CREB5: variants seen among roughly 807,000 people sequenced by gnomAD.
The protein encoded by CREB5 is cyclic AMP-responsive element-binding protein 5.
A neutral mutation model predicts 57.1 loss-of-function variants in CREB5; 19 were observed. The observed-to-expected ratio is 0.33, with a 90% CI of 0.23 to 0.49. The LOEUF (loss-of-function observed/expected upper bound fraction) is 0.49, where lower values mean the gene tolerates loss of function less well. Among genes scored for constraint, CREB5 ranks in the 20% least tolerant of loss-of-function variants. CREB5 has a pLI of 0.99. For missense variants in CREB5, 579 were observed against 671.6 expected (o/e 0.86, Z 1.52); for synonymous variants, 238 against 238.3 (o/e 1.00, Z 0.01).
At chr7:28,750,127 A>G (rs187863868) in intron 7 of CREB5, among the ~76,000 whole-genome samples, 1 of 152,280 alleles carries the variant, frequency 6.6e-6, no homozygotes, top group East Asian at 1.9e-4. Flanking sequence ...TATTTTTGAA[A>G]TGAGAATATA....
At chr7:28,735,353 TC>T (rs1803911818) in intron 7 of CREB5, among the ~76,000 whole-genome samples, 1 of 152,220 alleles carries the variant, frequency 6.6e-6, no homozygotes, top group Admixed American at 6.5e-5. Context: ...CTGAAATAAA[TC>T]AGAGATGTGT....
chr7:28,401,747 C>CT (rs1450879641), intron 1 of CREB5, among the ~76,000 whole-genome samples: 12 of 152,114 alleles, frequency 7.9e-5, no homozygotes, highest in Non-Finnish European at 1.3e-4. Flanking sequence ...TGAACTCATC[C>CT]TTTTTTATGG....
intron 5 of CREB5, among the ~76,000 whole-genome samples, chr7:28,573,319 T>G (rs1795776378): frequency 6.6e-6 from 1 of 152,218 alleles, no homozygotes; most frequent in Admixed American, 6.5e-5. Context: ...AATATTCTGA[T>G]TTTTATCACA....
At chr7:28,734,439 T>G (rs892824944) in intron 7 of CREB5, among the ~76,000 whole-genome samples, 1 of 152,116 alleles carries the variant, frequency 6.6e-6, no homozygotes, top group Non-Finnish European at 1.5e-5. Flanking sequence ...TTTAAAAATG[T>G]TATGAGTATT....
chr7:28,628,639 A>G (rs1011285720), intron 5 of CREB5, among the ~76,000 whole-genome samples: 5 of 152,092 alleles, frequency 3.3e-5, no homozygotes, highest in African/African-American at 1.2e-4. Flanking sequence ...ATGAGGGGAC[A>G]TGCTGGCCAA....
At chr7:28,570,565 G>C (rs1185571562) in intron 5 of CREB5, 28 bp downstream of exon 5, 1 of 1,604,530 alleles carries the variant, frequency 6.2e-7, no homozygotes, top group Admixed American at 1.7e-5. Flanking sequence ...GCTGCCCCTG[G>C]GTCCTGGCTG....
Position 28,825,799 on chromosome 7 carries a change from A to T in CREB5, c.*6520A>T, listed in dbSNP as rs1399175656. ...CTGTTCAACTAGGTCAGATTTTTAC[A>T]TCTCTTTCTAGCAAGAAGAGACAAG... On this transcript the variant is annotated 3_prime_UTR_variant, in exon 11 of 11. Transcript: ENST00000357727. The T allele has an allele frequency of 6.6e-6, 1 of 152,666 alleles. No individual in the cohort carries two copies. The highest frequency in any genetic ancestry group is 1.9e-4 in the East Asian group (1 of 5,202). 9.5% of individuals were successfully genotyped at this position (152,666 alleles called of 1,614,324 possible).
intron 5 of CREB5, among the ~76,000 whole-genome samples, chr7:28,656,851 ATT>A (rs58119255): frequency 0.013 from 1,964 of 149,218 alleles, 45 homozygotes; most frequent in African/African-American, 0.046. Flanking sequence ...ATCTAAGAAG[ATT>A]TTTTTTTTTC....
intron 1 of CREB5, among the ~76,000 whole-genome samples, chr7:28,440,308 C>G (rs929185616): frequency 6.6e-6 from 1 of 152,154 alleles, no homozygotes; most frequent in African/African-American, 2.4e-5. Context: ...CAGCGTTTTC[C>G]TGACGAGTTA....
At chr7:28,536,319 C>G (rs1260573560) in intron 4 of CREB5, among the ~76,000 whole-genome samples, 1 of 152,214 alleles carries the variant, frequency 6.6e-6, no homozygotes, top group Non-Finnish European at 1.5e-5. Context: ...CTGATCCCCT[C>G]TCAGAGTCTG....
intron 4 of CREB5, among the ~76,000 whole-genome samples, chr7:28,541,632 C>T (rs1430963451): frequency 6.6e-6 from 1 of 152,188 alleles, no homozygotes; most frequent in Non-Finnish European, 1.5e-5. Context: ...ACACCATGCA[C>T]TCCAGCAACA....
chr7:28,322,196 G>A (rs1032318069), intron 1 of CREB5, among the ~76,000 whole-genome samples: 14 of 152,074 alleles, frequency 9.2e-5, no homozygotes, highest in Non-Finnish European at 1.5e-4. Flanking sequence ...GTTCTGTGAG[G>A]AACAATTGGC....
intron 7 of CREB5, among the ~76,000 whole-genome samples, chr7:28,785,730 T>TG (rs1300995519): frequency 1.3e-5 from 2 of 152,160 alleles, no homozygotes; most frequent in Non-Finnish European, 2.9e-5. Flanking sequence ...GGCTTCTTAA[T>TG]GGGGTGGGAG....
chr7:28,325,211 C>T (rs972442021), intron 1 of CREB5, among the ~76,000 whole-genome samples: 1 of 152,198 alleles, frequency 6.6e-6, no homozygotes, highest in Non-Finnish European at 1.5e-5. Context: ...AATCCCAGCA[C>T]TTTGGGAGGC....
chr7:28,392,950 G>C (rs191378302), intron 1 of CREB5, among the ~76,000 whole-genome samples: 1 of 150,746 alleles, frequency 6.6e-6, no homozygotes, highest in Non-Finnish European at 1.5e-5. Flanking sequence ...TTGAGACAGA[G>C]TTTCGCTCTT....
Position 28,726,322 on chromosome 7 carries a change from T to C in CREB5, c.702+1990T>C, listed in dbSNP as rs374257707. 4.9e-4 allele frequency among the ~76,000 whole-genome samples: 74 copies of C among 152,238 alleles called. 1 individual carries two copies. In the South Asian group the frequency reaches 0.015, roughly 31 times the overall value. ...CAATACATCAATTTGAAGGGAAAAA[T>C]GGTAGCATTGGCTGCTCATGTTTGA... On this transcript the variant is annotated intron_variant, in intron 7 of 10. Transcript: ENST00000357727.
chr7:28,326,185 CTA>C (rs1785599127), intron 1 of CREB5, among the ~76,000 whole-genome samples: 1 of 150,574 alleles, frequency 6.6e-6, no homozygotes, highest in Non-Finnish European at 1.5e-5. Context: ...ATCTATCTAT[CTA>C]TCTATCTATC....
chr7:28,658,951 G>GTATATATATATATATATATATATATA (rs71555759), intron 5 of CREB5, among the ~76,000 whole-genome samples: 13 of 46,982 alleles, frequency 2.8e-4, no homozygotes, highest in Non-Finnish European at 6.1e-4. Flanking sequence ...ATGTGTGTGT[G>GTATATATATATATATATATATATATA]TGTATATATA....
At position 28,488,172 on chromosome 7, in the gene CREB5, C is replaced by T; in HGVS notation, c.4-3C>T. The stretch of plus-strand genomic sequence containing the variant: ...CTTCCTCCCTTTCCCTCTGATCCTT[C>T]AGATTTATGAGGAATCCAAGATGAA... On this transcript the variant is annotated splice_polypyrimidine_tract_variant and splice_region_variant and intron_variant, in intron 1 of 10. Coordinates refer to ENST00000357727, the MANE Select transcript of CREB5 (RefSeq NM_182898.4). The T allele has an allele frequency of 6.2e-7, 1 of 1,613,596 alleles. No individual in the cohort carries two copies. The highest frequency in any genetic ancestry group is 1.1e-5 in the South Asian group (1 of 91,000).
Sources: allele counts gnomAD v4.1 joint callset (sites outside exome capture counted in the v4.1 genomes callset), GRCh38; gene constraint gnomAD v4.1.1; transcripts MANE v1.5; gene names NCBI Gene and HGNC (gene_info 2026-07-23, HGNC 2026-07-21).